Variants in SETD7 observed in about 807,000 individuals in gnomAD.
The protein encoded by SETD7 is SET domain containing 7, histone lysine methyltransferase, also known as histone-lysine N-methyltransferase SETD7.
A neutral mutation model predicts 41.8 loss-of-function variants in SETD7; 16 were observed. The observed-to-expected ratio is 0.38, with a 90% CI of 0.26 to 0.58. SETD7 has a LOEUF of 0.58. Among genes scored for constraint, SETD7 ranks in the 20% least tolerant of loss-of-function variants. The probability of loss-of-function intolerance (pLI) is 0.64; values close to 1 mark genes in which losing one functional copy is unlikely to be tolerated. For missense variants in SETD7, 346 were observed against 459.7 expected, an observed-to-expected ratio of 0.75 and a Z score of 2.26; for synonymous variants, 163 against 169.7, an observed-to-expected ratio of 0.96 and a Z score of 0.31.
intron 1 of SETD7, among the ~76,000 whole-genome samples, chr4:139,547,287 T>G (rs1727988122): frequency 6.6e-6 from 1 of 152,204 alleles, no homozygotes; most frequent in Admixed American, 6.5e-5. Flanking sequence ...CAGAACAGAC[T>G]TAGACACATT....
chr4:139,537,134 C>T (rs911687864), intron 2 of SETD7, among the ~76,000 whole-genome samples: 1 of 152,098 alleles, frequency 6.6e-6, no homozygotes, highest in African/African-American at 2.4e-5. Flanking sequence ...CGCCAACACG[C>T]CCAGCTAATT....
chr4:139,545,723 T>G (rs1727922878), intron 2 of SETD7, among the ~76,000 whole-genome samples: 1 of 152,192 alleles, frequency 6.6e-6, no homozygotes, highest in African/African-American at 2.4e-5. Context: ...GAAAAGGGAT[T>G]CTGGGTCACA....
intron 3 of SETD7, among the ~76,000 whole-genome samples, chr4:139,529,751 C>A (rs2111147516): frequency 6.6e-6 from 1 of 152,276 alleles, no homozygotes; most frequent in Middle Eastern, 3.4e-3. Context: ...ATTTAGTGTA[C>A]ACAAGTAAAG....
At position 139,555,439 on chromosome 4, in the gene SETD7, G is replaced by A. The variant is rs988558441; in HGVS notation, c.40+659C>T. On this transcript the variant is annotated intron_variant, in intron 1 of 7. Coordinates refer to ENST00000274031, the MANE Select transcript of SETD7 (RefSeq NM_030648.4). This position sits in a 1 kb window ranked among gnomAD's most constrained non-coding sequence, Gnocchi z 4.0. ...GGGGGAGGCCTGACTGAGTTCGCTC[G>A]GGGGCAGCTGAGGGGAGGGCTGCCC... is the stretch of plus-strand genomic sequence containing the variant. Among the ~76,000 whole-genome samples, 1 of 152,060 alleles carries A rather than the reference G, an allele frequency of 6.6e-6. No individual in the cohort carries two copies. The highest frequency in any genetic ancestry group is 2.4e-5 in the African/African-American group (1 of 41,432).
In SETD7 at chr4:139,510,723, T is replaced by C. The variant is rs1314523471; in HGVS notation, c.*940A>G. ...CCACAAGCCTGACCGCGCTATGTTA[T>C]GTACATTTAATGTGTACTCAAGGAG... On this transcript the variant is annotated 3_prime_UTR_variant, in exon 8 of 8. Transcript: ENST00000274031. 1 of 152,560 alleles carries C rather than the reference T, an allele frequency of 6.6e-6. No individual in the cohort carries two copies. The allele number at this position is 152,560 out of a possible 1,614,324, so 9.5% of individuals were successfully genotyped here. A position where few individuals can be genotyped will look rare whatever the true frequency, so the allele number is the denominator to read the frequency against.
intron 1 of SETD7, among the ~76,000 whole-genome samples, chr4:139,547,475 T>C (rs1727996570): frequency 6.6e-6 from 1 of 152,234 alleles, no homozygotes; most frequent in South Asian, 2.1e-4. Flanking sequence ...TTCCACTGTT[T>C]TATAGTCAAT....
intron 4 of SETD7, among the ~76,000 whole-genome samples, chr4:139,526,649 T>TGC (rs1727337711): frequency 6.6e-6 from 1 of 152,098 alleles, no homozygotes; most frequent in African/African-American, 2.4e-5. Flanking sequence ...TTATGGTAGG[T>TGC]GCTAATATCC....
intron 6 of SETD7, among the ~76,000 whole-genome samples, chr4:139,519,236 A>G (rs1488723777): frequency 1.3e-5 from 2 of 152,206 alleles, no homozygotes; most frequent in African/African-American, 2.4e-5. Flanking sequence ...CATTAGGGCA[A>G]GAAGGGTGTC....
rs1453833777 is a variant in SETD7 at position 139,496,521 on chromosome 4, A to G, written c.921T>C (p.Ile307=). 4.3e-6 allele frequency: 3 copies of G among 701,352 alleles called. No homozygotes were observed. The Admixed American group carries it at 6.0e-5, about 14-fold the overall frequency. The allele number at this position is 701,352 out of a possible 1,614,324, so 43.4% of individuals were successfully genotyped here. Reference sequence around the variant, plus strand: ...ACGTTCCCAGGTGATTCTTCTGGCCACTGAAATTGGAGAAGCAACTGGCTG... The same window carrying G: ...ACGTTCCCAGGTGATTCTTCTGGCCGCTGAAATTGGAGAAGCAACTGGCTG... Residue 307 remains isoleucine, a splice_region_variant and synonymous_variant, in exon 8 of 8, where the codon ATT becomes ATC. Transcript: ENST00000506866.
intron 1 of SETD7, among the ~76,000 whole-genome samples, chr4:139,553,916 A>G (rs1470984627): frequency 6.6e-6 from 1 of 152,242 alleles, no homozygotes; most frequent in Non-Finnish European, 1.5e-5. Context: ...AGACTATTGC[A>G]AACAGCACTA....
intron 4 of SETD7, among the ~76,000 whole-genome samples, chr4:139,525,608 G>A (rs1374548680): frequency 2.0e-5 from 3 of 152,136 alleles, no homozygotes; most frequent in Non-Finnish European, 2.9e-5. Context: ...CAGGAAGTAA[G>A]TAGAGAATTA....
intron 4 of SETD7, 67 bp from the exon 5 acceptor site, chr4:139,523,502 C>G: frequency 8.8e-7 from 1 of 1,142,418 alleles, no homozygotes; most frequent in Non-Finnish European, 1.3e-6. Flanking sequence ...ACACTTCTCT[C>G]TATTCATGGG....
intron 5 of SETD7, among the ~76,000 whole-genome samples, chr4:139,521,820 G>A (rs1433564365): frequency 2.0e-5 from 3 of 152,176 alleles, no homozygotes; most frequent in Non-Finnish European, 4.4e-5. Context: ...TCCATTAGAA[G>A]AATATGCCCT....
chr4:139,517,973 G>A lies in SETD7; in HGVS notation c.832C>T (p.Pro278Ser). The change falls in exon 7 of 8, where the codon CCT becomes TCT. Residue 278 changes from proline (P) to serine (S), a missense_variant. Around this residue, in one of 3 missense-constraint regions of SETD7, gnomAD observed 266 missense variants for 377.0 expected, o/e 0.71. Coordinates refer to ENST00000274031, the MANE Select transcript of SETD7 (RefSeq NM_030648.4). ...SLDEETVIDV[P>S]EPYNHVSKYC... ...TTGGATACGTGGTTATAGGGCTCAG[G>A]CACATCAATGACCGTTTCTTCATCA... is the stretch of plus-strand genomic sequence containing the variant. 6.2e-7 allele frequency: 1 copy of A among 1,614,064 alleles called. No individual in the cohort carries two copies. The highest frequency in any genetic ancestry group is 8.5e-7 in the Non-Finnish European group (1 of 1,179,966).
Position 139,511,829 on chromosome 4 carries a change from C to T in SETD7, c.935G>A (p.Arg312His), listed in dbSNP as rs1726886802. 1.1e-5 allele frequency: 17 copies of T among 1,612,026 alleles called. No homozygotes were observed. Among genetic ancestry groups the T allele is most frequent in the African/African-American group, 1.3e-5 (1 of 74,742 alleles). Residue 312 changes from arginine (R) to histidine (H), a missense_variant, in exon 8 of 8, where the codon CGT becomes CAT. Around this residue, in one of 3 missense-constraint regions of SETD7, gnomAD observed 75 missense variants for 65.5 expected, o/e 1.14. Transcript: ENST00000274031. ...GCGGATGCATTTGATGGGCCCAAAA[C>T]GGGGGTGGACAAACCTAAACATCAA... ...NCIYDMFVHP[R>H]FGPIKCIRTL...
chr4:139,535,131 TA>T lies in SETD7; in HGVS notation c.171-1766del, dbSNP rs902591127. On this transcript the variant is annotated intron_variant, in intron 2 of 7. Coordinates refer to ENST00000274031, the MANE Select transcript of SETD7 (RefSeq NM_030648.4). Reference sequence around the variant, plus strand: ...TCAACTGTCATTAGACTCCCACAATTAAAAAAAAAATCATTGGTGAAGGGTA... The same window carrying T: ...TCAACTGTCATTAGACTCCCACAATTAAAAAAAAATCATTGGTGAAGGGTA... 1.3e-3 allele frequency among the ~76,000 whole-genome samples: 191 copies of T among 149,554 alleles called. 1 individual carries two copies. The highest frequency in any genetic ancestry group is 4.2e-3 in the African/African-American group (172 of 40,920).
rs1363097688 is a variant in SETD7 at position 139,510,274 on chromosome 4, G to T, written c.*1389C>A. On this transcript the variant is annotated 3_prime_UTR_variant, in exon 8 of 8. Transcript: ENST00000274031. ...CAACAGCTGCTCTCCAGTCCTTCCA[G>T]CCGCTGCATCGAGGTGTCTAAAAGA... 6.6e-6 allele frequency: 1 copy of T among 152,194 alleles called. No homozygotes were observed. The highest frequency in any genetic ancestry group is 1.5e-5 in the Non-Finnish European group (1 of 68,054). The allele number at this position is 152,194 out of a possible 1,614,324, so 9.4% of individuals were successfully genotyped here.
intron 4 of SETD7, among the ~76,000 whole-genome samples, chr4:139,523,992 A>C (rs1727249892): frequency 6.6e-6 from 1 of 152,360 alleles, no homozygotes; most frequent in East Asian, 1.9e-4. Context: ...ATCAAGGCAC[A>C]CAACCACCCT....
At chr4:139,535,911 T>C (rs1485328643) in intron 2 of SETD7, among the ~76,000 whole-genome samples, 1 of 152,152 alleles carries the variant, frequency 6.6e-6, no homozygotes, top group Non-Finnish European at 1.5e-5. Context: ...ATTGAGGAAA[T>C]AAAATATACG....
Sources: allele counts gnomAD v4.1 joint callset (sites outside exome capture counted in the v4.1 genomes callset), GRCh38; gene constraint gnomAD v4.1.1; regional missense constraint gnomAD v4.1.1; non-coding constraint Gnocchi (gnomAD v3.1); transcripts MANE v1.5; gene names NCBI Gene and HGNC (gene_info 2026-07-23, HGNC 2026-07-21).